ROBO2: variants seen among roughly 807,000 people sequenced by gnomAD.
The protein encoded by ROBO2 is roundabout homolog 2.
In ROBO2, 53 loss-of-function variants were observed where a neutral mutation model predicts 160.8. That is an observed-to-expected ratio of 0.33 (90% CI 0.26 to 0.41). The LOEUF (loss-of-function observed/expected upper bound fraction) is 0.41, where lower values mean the gene tolerates loss of function less well. Among genes scored for constraint, ROBO2 ranks in the 10% least tolerant of loss-of-function variants. The pLI, the probability that ROBO2 is intolerant of heterozygous loss-of-function variation, is 1.00. For missense variants in ROBO2, 1,577 were observed against 1,722.4 expected, an observed-to-expected ratio of 0.92 and a Z score of 1.49; for synonymous variants, 664 against 611.7, an observed-to-expected ratio of 1.09 and a Z score of -1.26.
In ROBO2 at chr3:76,353,880, A is replaced by G. The variant is rs555643453; in HGVS notation, c.109+416278A>G. Among the ~76,000 whole-genome samples the G allele has an allele frequency of 3.3e-5, 5 of 151,988 alleles. No individual in the cohort carries two copies. The South Asian group carries it at 1.0e-3, about 31-fold the overall frequency. On this transcript the variant is annotated intron_variant, in intron 2 of 26. Coordinates refer to the ROBO2 transcript ENST00000487694. ...TTCTTTGCATAACAACGTCTGGGGC[A>G]TTTGCAAATCTCAGCTTGCTTCACG... is the stretch of plus-strand genomic sequence containing the variant.
chr3:76,040,839 T>G (rs2067252556), intron 2 of ROBO2, among the ~76,000 whole-genome samples: 1 of 151,766 alleles, frequency 6.6e-6, no homozygotes, highest in Non-Finnish European at 1.5e-5. Flanking sequence ...AATACAAAAA[T>G]TAGCCAGGTG....
At chr3:76,123,685 G>A (rs2070845588) in intron 2 of ROBO2, among the ~76,000 whole-genome samples, 1 of 152,070 alleles carries the variant, frequency 6.6e-6, no homozygotes, top group South Asian at 2.1e-4. Flanking sequence ...AGGATTCAGA[G>A]TTTTCTTCTC....
At chr3:77,134,887 C>G (rs7431149) in intron 2 of ROBO2, among the ~76,000 whole-genome samples, 46,352 of 152,148 alleles carry the variant, frequency 0.3, 8,496 homozygotes, top group Middle Eastern at 0.45. Context: ...TGATTTTCCT[C>G]TACTGTGGAT....
At chr3:77,009,959 A>AG (rs1469283132) in intron 2 of ROBO2, among the ~76,000 whole-genome samples, 4 of 151,238 alleles carry the variant, frequency 2.6e-5, no homozygotes, top group Non-Finnish European at 4.4e-5. Flanking sequence ...AAAAAAAAAA[A>AG]AAAAAAAAGT....
Position 77,117,779 on chromosome 3 carries a change from C to T in ROBO2, c.388+19439C>T, listed in dbSNP as rs567360283. On this transcript the variant is annotated intron_variant, in intron 2 of 25. Coordinates refer to ENST00000461745, the Ensembl canonical transcript of ROBO2. ...ATCTTTCATGTGATTATCCCTAAGGCTTTATACTCCTTGCACCTAATGGCC... is the reference window on the plus strand; with the variant it reads ...ATCTTTCATGTGATTATCCCTAAGGTTTTATACTCCTTGCACCTAATGGCC... 5.3e-5 allele frequency among the ~76,000 whole-genome samples: 8 copies of T among 152,208 alleles called. No homozygotes were observed. The South Asian group carries it at 6.2e-4, about 12-fold the overall frequency.
At chr3:76,942,001 A>T (rs766076558) in intron 2 of ROBO2, among the ~76,000 whole-genome samples, 9 of 152,202 alleles carry the variant, frequency 5.9e-5, no homozygotes, top group Non-Finnish European at 1.0e-4. Context: ...TATAAAAGAA[A>T]CAGTGTGACT....
At chr3:76,457,618 G>C (rs527427140) in intron 2 of ROBO2, among the ~76,000 whole-genome samples, 1 of 152,312 alleles carries the variant, frequency 6.6e-6, no homozygotes, top group Admixed American at 6.5e-5. Context: ...CCCCTGTAGA[G>C]ACCGTGTGGG....
intron 2 of ROBO2, among the ~76,000 whole-genome samples, chr3:77,411,809 T>C (rs1581737179): frequency 6.6e-6 from 1 of 152,190 alleles, no homozygotes; most frequent in Admixed American, 6.5e-5. Flanking sequence ...AGGAGACAGG[T>C]ATGAGCATGG....
intron 4 of ROBO2, among the ~76,000 whole-genome samples, chr3:77,483,692 A>G (rs544990316): frequency 6.7e-6 from 1 of 148,782 alleles, no homozygotes; most frequent in Non-Finnish European, 1.5e-5. Flanking sequence ...TTGTTGTTCA[A>G]AAAAATAAGT....
chr3:76,348,183 GT>G (rs1334751003), intron 2 of ROBO2, among the ~76,000 whole-genome samples: 20 of 151,606 alleles, frequency 1.3e-4, no homozygotes, highest in African/African-American at 4.8e-4. Flanking sequence ...CCCAAGCACT[GT>G]CCGCCATCAT....
intron 2 of ROBO2, 87 bp downstream of exon 2, chr3:77,098,427 T>C: frequency 7.5e-7 from 1 of 1,336,158 alleles, no homozygotes; most frequent in Non-Finnish European, 1.1e-6. Flanking sequence ...CGCTGAAACC[T>C]AAAGAATCAA....
At chr3:76,120,002 GTCT>G (rs2070679848) in intron 2 of ROBO2, among the ~76,000 whole-genome samples, 1 of 120,738 alleles carries the variant, frequency 8.3e-6, no homozygotes, top group African/African-American at 3.1e-5. Flanking sequence ...CTTTCTTTCT[GTCT>G]TCTTTCTTTT....
chr3:77,268,661 A>T (rs1284999380), intron 2 of ROBO2, among the ~76,000 whole-genome samples: 1 of 152,244 alleles, frequency 6.6e-6, no homozygotes, highest in Non-Finnish European at 1.5e-5. Flanking sequence ...CCTTATGCTT[A>T]TTCCCATCAC....
At chr3:76,402,911 C>T (rs978134775) in intron 2 of ROBO2, among the ~76,000 whole-genome samples, 1 of 151,564 alleles carries the variant, frequency 6.6e-6, no homozygotes, top group African/African-American at 2.4e-5. Context: ...ATTACGTCTG[C>T]AAAGTCCCTC....
At chr3:76,003,963 A>G (rs536995988) in intron 2 of ROBO2, among the ~76,000 whole-genome samples, 9 of 152,334 alleles carry the variant, frequency 5.9e-5, no homozygotes, top group Admixed American at 2.0e-4. Context: ...AGAAACTTCA[A>G]TGGTATAGTT....
intron 2 of ROBO2, among the ~76,000 whole-genome samples, chr3:77,420,081 T>TC (rs2077577623): frequency 6.6e-6 from 1 of 151,876 alleles, no homozygotes; most frequent in South Asian, 2.1e-4. Context: ...TTCATAACAT[T>TC]CCCCCCAACA....
intron 2 of ROBO2, among the ~76,000 whole-genome samples, chr3:77,237,781 A>G (rs2088300193): frequency 6.6e-6 from 1 of 152,132 alleles, no homozygotes; most frequent in African/African-American, 2.4e-5. Context: ...ACATTGCATC[A>G]TAAAAGTATG....
At chr3:77,445,397 T>C (rs982705702) in intron 2 of ROBO2, among the ~76,000 whole-genome samples, 1 of 152,134 alleles carries the variant, frequency 6.6e-6, no homozygotes, top group African/African-American at 2.4e-5. Flanking sequence ...TGGTGTAATA[T>C]GGGTATGTCA....
intron 2 of ROBO2, among the ~76,000 whole-genome samples, chr3:77,311,157 GT>G (rs1194733929): frequency 6.6e-6 from 1 of 152,056 alleles, no homozygotes; most frequent in African/African-American, 2.4e-5. Flanking sequence ...CATTTCTAAT[GT>G]TTTCTTTTTC....
Sources: allele counts gnomAD v4.1 joint callset (sites outside exome capture counted in the v4.1 genomes callset), GRCh38; gene constraint gnomAD v4.1.1; transcripts MANE v1.5; gene names NCBI Gene and HGNC (gene_info 2026-07-23, HGNC 2026-07-21).